AFAP1: variants seen among roughly 807,000 people sequenced by gnomAD.
The protein encoded by AFAP1 is actin filament associated protein 1.
A neutral mutation model predicts 93.9 loss-of-function variants in AFAP1; 75 were observed. The ratio of observed to expected loss-of-function variants is 0.80; its 90% confidence interval spans 0.66 to 0.97. The LOEUF (loss-of-function observed/expected upper bound fraction) is 0.97, where lower values mean the gene tolerates loss of function less well. AFAP1 is among the 50% of genes least tolerant of loss of function. The pLI is 0.00. For synonymous variants in AFAP1, 517 were observed against 430.7 expected (o/e 1.20, Z -2.48); for missense variants, 1,201 against 1,050.8 (o/e 1.14, Z -1.98).
chr4:7,868,875 T>G (rs965214993), intron 2 of AFAP1, among the ~76,000 whole-genome samples, 156 bp from the exon 3 acceptor site: 4 of 151,732 alleles, frequency 2.6e-5, no homozygotes, highest in African/African-American at 9.7e-5. Context: ...GGTATTATTC[T>G]TCTCCATTTT....
chr4:7,922,516 A>C (rs1324440271), intron 1 of AFAP1, among the ~76,000 whole-genome samples: 1 of 152,228 alleles, frequency 6.6e-6, no homozygotes, highest in Non-Finnish European at 1.5e-5. Flanking sequence ...GAGACGAGAA[A>C]GTATAAATTC....
intron 1 of AFAP1, among the ~76,000 whole-genome samples, chr4:7,895,277 C>T (rs1293003929): frequency 2.0e-5 from 3 of 152,182 alleles, no homozygotes; most frequent in Non-Finnish European, 2.9e-5. Flanking sequence ...AGAGGCTTGT[C>T]GGTCAGTTCT....
chr4:7,904,113 T>G (rs1361674366), intron 1 of AFAP1, among the ~76,000 whole-genome samples: 1 of 152,186 alleles, frequency 6.6e-6, no homozygotes, highest in African/African-American at 2.4e-5. Context: ...CTTAATTGTC[T>G]ATAAATAGCA....
chr4:7,794,342 G>A (rs1718185549), intron 10 of AFAP1, among the ~76,000 whole-genome samples: 1 of 152,188 alleles, frequency 6.6e-6, no homozygotes, highest in African/African-American at 2.4e-5. Context: ...ATATAAAAAA[G>A]TAATTTCCTT....
At chr4:7,844,177 T>C (rs938114891) in intron 4 of AFAP1, among the ~76,000 whole-genome samples, 2 of 125,556 alleles carry the variant, frequency 1.6e-5, no homozygotes, top group Non-Finnish European at 3.8e-5. Context: ...GTTGAAGCTC[T>C]AACCATATGA....
chr4:7,865,927 G>A (rs775696308), intron 3 of AFAP1, among the ~76,000 whole-genome samples: 1 of 152,164 alleles, frequency 6.6e-6, no homozygotes, highest in East Asian at 1.9e-4. Flanking sequence ...ACGGAGTCTC[G>A]GTCTTGTTAC....
rs571406953 is a variant in AFAP1 at position 7,869,378 on chromosome 4, G to T, written c.128-659C>A. 2.7e-4 allele frequency among the ~76,000 whole-genome samples: 41 copies of T among 152,322 alleles called. No individual in the cohort carries two copies. The South Asian group carries it at 5.2e-3, about 19-fold the overall frequency. ...TGCTCCCCCTCAACTTCTACTCAGG[G>T]CAGGCAGGACTTACCCATGTAGTAA... is the stretch of plus-strand genomic sequence containing the variant. On this transcript the variant is annotated intron_variant, in intron 2 of 17. Transcript: ENST00000420658.
At chr4:7,912,695 G>A (rs929723424) in intron 1 of AFAP1, among the ~76,000 whole-genome samples, 5 of 152,074 alleles carry the variant, frequency 3.3e-5, no homozygotes, top group African/African-American at 1.2e-4. Context: ...TCAGACATGT[G>A]GCTTGCAATT....
chr4:7,922,986 C>T (rs934700839), intron 1 of AFAP1, among the ~76,000 whole-genome samples: 29 of 152,064 alleles, frequency 1.9e-4, no homozygotes, highest in African/African-American at 6.5e-4. Context: ...AGAGCAAGGA[C>T]ATGTCTCAAA....
chr4:7,892,197 T>C (rs558998544), intron 1 of AFAP1, among the ~76,000 whole-genome samples: 21 of 152,130 alleles, frequency 1.4e-4, no homozygotes, highest in African/African-American at 4.8e-4. Context: ...CAAATTTCAG[T>C]AGGGGACAAA....
chr4:7,864,301 C>G (rs982019496), intron 3 of AFAP1, among the ~76,000 whole-genome samples: 45 of 152,308 alleles, frequency 3.0e-4, no homozygotes, highest in Middle Eastern at 3.4e-3. Context: ...CTGGCTTTTG[C>G]TTTAATTTAC....
intron 1 of AFAP1, among the ~76,000 whole-genome samples, chr4:7,931,373 TA>T (rs1180847558): frequency 6.6e-6 from 1 of 152,164 alleles, no homozygotes; most frequent in Admixed American, 6.5e-5. Context: ...ACAAGAATAG[TA>T]TATTAAGTGA....
At chr4:7,876,054 G>A (rs1041723498) in intron 1 of AFAP1, among the ~76,000 whole-genome samples, 10 of 152,172 alleles carry the variant, frequency 6.6e-5, no homozygotes, top group African/African-American at 2.2e-4. Context: ...GGTTAAAAAG[G>A]TAAAATGTAT....
intron 1 of AFAP1, 66 bp from the exon 2 acceptor site, chr4:7,872,146 G>C: frequency 6.3e-7 from 1 of 1,576,224 alleles, no homozygotes; most frequent in South Asian, 1.1e-5. Flanking sequence ...TATGAATACT[G>C]AGTCTTACTC....
intron 17 of AFAP1, among the ~76,000 whole-genome samples, chr4:7,767,730 C>A (rs565905137): frequency 2.0e-5 from 3 of 152,262 alleles, no homozygotes; most frequent in African/African-American, 7.2e-5. Context: ...GGCACTCATT[C>A]CCATCTCGCA....
At chr4:7,846,339 G>C (rs1283832630) in intron 4 of AFAP1, among the ~76,000 whole-genome samples, 2 of 152,188 alleles carry the variant, frequency 1.3e-5, no homozygotes, top group Non-Finnish European at 1.5e-5. Flanking sequence ...AAAACAGTAA[G>C]CGTGGCTAGA....
At chr4:7,880,769 C>G (rs1295245179) in intron 1 of AFAP1, among the ~76,000 whole-genome samples, 1 of 152,222 alleles carries the variant, frequency 6.6e-6, no homozygotes, top group African/African-American at 2.4e-5. Flanking sequence ...AAAGCATTGT[C>G]TGTCTCCGCT....
At chr4:7,811,683 C>T (rs1166834874) in intron 8 of AFAP1, among the ~76,000 whole-genome samples, 2 of 152,118 alleles carry the variant, frequency 1.3e-5, no homozygotes, top group Non-Finnish European at 1.5e-5. Context: ...GAAGAAAGGC[C>T]GTGTGAAGGC....
intron 12 of AFAP1, 26 bp downstream of exon 12, chr4:7,786,168 C>T (rs771650094): frequency 1.3e-6 from 2 of 1,599,900 alleles, no homozygotes; most frequent in South Asian, 1.1e-5. Context: ...CAAAACCAAC[C>T]ATTACTCCAA....
Sources: allele counts gnomAD v4.1 joint callset (sites outside exome capture counted in the v4.1 genomes callset), GRCh38; gene constraint gnomAD v4.1.1; transcripts MANE v1.5; gene names NCBI Gene and HGNC (gene_info 2026-07-23, HGNC 2026-07-21).